The following LTBP3 variants were observed in gnomAD, a reference collection of about 807,000 sequenced individuals.
The protein encoded by LTBP3 is latent-transforming growth factor beta-binding protein 3.
LTBP3 carries 97 observed loss-of-function variants against 159.7 expected under a neutral mutation model. That is an observed-to-expected ratio of 0.61 (90% CI 0.52 to 0.72). The LOEUF is 0.72. Ranked by LOEUF, LTBP3 falls within the 30% of genes least tolerant of loss-of-function variation. LTBP3 has a pLI of 0.00. For synonymous variants in LTBP3, 824 were observed against 777.1 expected, an observed-to-expected ratio of 1.06 and a Z score of -1.00; for missense variants, 1,584 against 1,864.3, an observed-to-expected ratio of 0.85 and a Z score of 2.77.
At chr11:65,543,711 G>A (rs1002297944) in intron 16 of LTBP3, 162 bp from the exon 17 acceptor site, 6 of 896,442 alleles carry the variant, frequency 6.7e-6, no homozygotes, top group African/African-American at 4.9e-5. Context: ...GTGCCCTGAC[G>A]ACCAGGTCAG....
In LTBP3 at chr11:65,540,337, C is replaced by T. The variant is rs1468481032; in HGVS notation, c.3152G>A (p.Cys1051Tyr). ...LDESNCRNGV[C>Y]ENTRGGYRCA... is the part of the protein sequence containing the mutation. ...GCGGTAGCCGCCGCGCGTGTTCTCA[C>T]ACACTCCGTTCCGGCAGTTGGACTC... Residue 1051 changes from cysteine to tyrosine, a missense_variant, in exon 23 of 28, where the codon TGT becomes TAT. This residue lies in a region of LTBP3 where 514 missense variants were observed against 530.3 expected (regional missense o/e 0.97). Transcript: ENST00000301873. 2.5e-6 allele frequency: 4 copies of T among 1,584,126 alleles called. No homozygotes were observed. Among genetic ancestry groups the T allele is most frequent in the Non-Finnish European group, 3.4e-6 (4 of 1,166,368 alleles).
Position 65,543,474 on chromosome 11 carries a change from T to C in LTBP3, c.2429A>G (p.Gln810Arg). ...CSNTPGSFQC[Q>R]CLSGYHLSRD... ...GGACAGATGGTAGCCAGAGAGGCAC[T>C]GACACTGGAAAGATCCTGGCGTGTT... Residue 810 changes from glutamine (Q) to arginine (R), a missense_variant, in exon 17 of 28, where the codon CAG becomes CGG. Physicochemically the swap from Gln to Arg is conservative, Grantham distance 43 (BLOSUM62 1). Transcript: ENST00000301873. 6.2e-7 allele frequency: 1 copy of C among 1,614,126 alleles called. No homozygotes were observed. Among genetic ancestry groups the C allele is most frequent in the South Asian group, 1.1e-5 (1 of 91,090 alleles).
chr11:65,553,676 AG>A lies in LTBP3; in HGVS notation c.864+24del, dbSNP rs771117206. ...GAGCAACCCTGAGAGAAGGAAAGGC[AG>A]ATCCCGACTGTGGATTCACTCACCG... is the stretch of plus-strand genomic sequence containing the variant. On this transcript the variant is annotated intron_variant, in intron 3 of 27. Coordinates refer to ENST00000301873, the MANE Select transcript of LTBP3 (RefSeq NM_001130144.3). This position sits in a 1 kb window ranked among gnomAD's most constrained non-coding sequence, Gnocchi z 6.5. 25 of 1,561,354 alleles carry A rather than the reference AG, an allele frequency of 1.6e-5. No individual in the cohort carries two copies. Among genetic ancestry groups the A allele is most frequent in the Middle Eastern group, 1.7e-4 (1 of 6,036 alleles).
chr11:65,539,896 T>A lies in LTBP3; in HGVS notation c.3386-15A>T, dbSNP rs1477848687. ...CGGGGCACGCTCTGCGGAAGACACCTGGCATCAGGGGAGGGGCCCAAGGCA... is the reference window on the plus strand; with the variant it reads ...CGGGGCACGCTCTGCGGAAGACACCAGGCATCAGGGGAGGGGCCCAAGGCA... On this transcript the variant is annotated splice_polypyrimidine_tract_variant and intron_variant, in intron 24 of 27. Transcript: ENST00000301873. The A allele has an allele frequency of 4.0e-6, 6 of 1,506,346 alleles. No homozygotes were observed. The highest frequency in any genetic ancestry group is 5.3e-6 in the Non-Finnish European group (6 of 1,134,620). The allele number at this position is 1,506,346 out of a possible 1,614,324, so 93.3% of individuals were successfully genotyped here. A position where few individuals can be genotyped will look rare whatever the true frequency, so the allele number is the denominator to read the frequency against.
Position 65,546,365 on chromosome 11 carries a change from A to C in LTBP3, c.2353+77T>G. 2.7e-6 allele frequency: 4 copies of C among 1,457,226 alleles called. No homozygotes were observed. The highest frequency in any genetic ancestry group is 3.6e-6 in the Non-Finnish European group (4 of 1,105,980). 90.3% of individuals were successfully genotyped at this position (1,457,226 alleles called of 1,614,324 possible). A position where few individuals can be genotyped will look rare whatever the true frequency, so the allele number is the denominator to read the frequency against. On this transcript the variant is annotated intron_variant, in intron 16 of 27. Transcript: ENST00000301873. This position sits in a 1 kb window ranked among gnomAD's most constrained non-coding sequence, Gnocchi z 4.0. ...ATGAGCCACCTTCCACCCACTGTTT[A>C]CAGACAGCGTGACCCGCTCCCCGGC...
chr11:65,542,968 G>GGATA (rs1856213232), intron 18 of LTBP3, 137 bp downstream of exon 18: 1 of 1,098,154 alleles, frequency 9.1e-7, no homozygotes, highest in African/African-American at 2.7e-5. Flanking sequence ...ATGGATGGAT[G>GGATA]GATGGATAGA....
Position 65,547,579 on chromosome 11 carries a change from G to A in LTBP3, c.1979-12C>T. ...GCATTCGTTCAGGTCTGTGCGGGAG[G>A]AAGGGGCCACGAAGGGGGTGTAGGA... On this transcript the variant is annotated splice_polypyrimidine_tract_variant and intron_variant, in intron 13 of 27. Transcript: ENST00000301873. This position sits in a 1 kb window ranked among gnomAD's most constrained non-coding sequence, Gnocchi z 4.6. The A allele has an allele frequency of 6.2e-7, 1 of 1,613,404 alleles. No individual in the cohort carries two copies. Among genetic ancestry groups the A allele is most frequent in the Non-Finnish European group, 8.5e-7 (1 of 1,179,554 alleles).
chr11:65,546,461 G>T lies in LTBP3; in HGVS notation c.2334C>A (p.Pro778=). The T allele has an allele frequency of 1.9e-6, 3 of 1,575,554 alleles. No individual in the cohort carries two copies. Among genetic ancestry groups the T allele is most frequent in the Non-Finnish European group, 2.6e-6 (3 of 1,168,504 alleles). The part of the protein sequence containing the change: ...CTCAQGYAPA[P]DGRSCLDVDE... ...GCTCACCCAAGCAACTGCGGCCGTC[G>T]GGCGCGGGCGCGTAGCCCTGGGCAC... The change falls in exon 16 of 28, where the codon CCC becomes CCA. Residue 778 remains proline (P), a synonymous_variant. Coordinates refer to ENST00000301873, the MANE Select transcript of LTBP3 (RefSeq NM_001130144.3). The surrounding 1 kb of genome is among the most constrained non-coding windows in gnomAD (Gnocchi z 4.0).
chr11:65,556,069 TG>T (rs747320562), intron 1 of LTBP3, among the ~76,000 whole-genome samples: 2 of 152,132 alleles, frequency 1.3e-5, no homozygotes, highest in Non-Finnish European at 2.9e-5. Context: ...CACTGTGGCC[TG>T]GGCACCGAGC....
At chr11:65,545,649 A>C in intron 16 of LTBP3, 1 of 229,906 alleles carries the variant, frequency 4.3e-6, no homozygotes, top group Non-Finnish European at 8.6e-6. Context: ...CATCCTGTCC[A>C]CCACTGTCTC....
chr11:65,541,317 G>A, intron 19 of LTBP3, 24 bp from the exon 20 acceptor site: 2 of 1,605,798 alleles, frequency 1.2e-6, no homozygotes, highest in South Asian at 2.2e-5. Flanking sequence ...GGCAGCTCAG[G>A]GTTGTGCACA....
In LTBP3 at chr11:65,552,156, A is replaced by C; in HGVS notation, c.1347T>G (p.Ala449=). The stretch of plus-strand genomic sequence containing the variant: ...CAGCTGGGCAGATCTCCTTGAACGC[A>C]GCTGCAGTCAAGACAGCAGACACAA... ...RCQRCPTDGT[A]AFKEICPAGK... is the part of the protein sequence containing the mutation. Residue 449 remains alanine (A), a splice_region_variant and synonymous_variant, in exon 8 of 28, where the codon GCT becomes GCG. Coordinates refer to ENST00000301873, the MANE Select transcript of LTBP3 (RefSeq NM_001130144.3). The surrounding 1 kb of genome is among the most constrained non-coding windows in gnomAD (Gnocchi z 6.0). 6.2e-7 allele frequency: 1 copy of C among 1,614,154 alleles called. No individual in the cohort carries two copies. The highest frequency in any genetic ancestry group is 8.5e-7 in the Non-Finnish European group (1 of 1,179,998).
At chr11:65,557,398 G>T (rs2135167321) in intron 1 of LTBP3, among the ~76,000 whole-genome samples, 1 of 151,876 alleles carries the variant, frequency 6.6e-6, no homozygotes, top group South Asian at 2.1e-4. Context: ...CACCCCTTAG[G>T]CCCCAACCCT....
intron 1 of LTBP3, among the ~76,000 whole-genome samples, chr11:65,557,292 G>A (rs1286879409): frequency 1.3e-5 from 2 of 152,048 alleles, no homozygotes; most frequent in Non-Finnish European, 2.9e-5. Context: ...GAGGCTTCCT[G>A]TCCCCGGCTC....
intron 11 of LTBP3, 57 bp downstream of exon 11, chr11:65,551,069 G>A (rs1856591814): frequency 1.4e-6 from 2 of 1,435,602 alleles, no homozygotes; most frequent in African/African-American, 1.4e-5. Context: ...AGGGAGGAGA[G>A]AAAACTAAAG....
chr11:65,539,172 C>T lies in LTBP3; in HGVS notation c.3820G>A (p.Val1274Met), dbSNP rs1458708400. ...CAGCGGAAGGAGCCGCTGGTGTTCA[C>T]GCAGCGCTCGCTCTTGCACAGCAGC... is the stretch of plus-strand genomic sequence containing the variant. ...RGLLCKSERC[V>M]NTSGSFRCVC... The change falls in exon 28 of 28, where the codon GTG becomes ATG. Residue 1274 changes from valine to methionine, a missense_variant. By Grantham distance (21) the Val-to-Met change is conservative. Around this residue, in one of 6 missense-constraint regions of LTBP3, gnomAD observed 514 missense variants for 530.3 expected, o/e 0.97. Coordinates refer to ENST00000301873, the MANE Select transcript of LTBP3 (RefSeq NM_001130144.3). The T allele has an allele frequency of 5.3e-6, 8 of 1,509,190 alleles. No homozygotes were observed. Among genetic ancestry groups the T allele is most frequent in the Admixed American group, 2.1e-5 (1 of 48,672 alleles). 93.5% of individuals were successfully genotyped at this position (1,509,190 alleles called of 1,614,324 possible). A position where few individuals can be genotyped will look rare whatever the true frequency, so the allele number is the denominator to read the frequency against.
intron 11 of LTBP3, 40 bp downstream of exon 11, chr11:65,551,086 C>A: frequency 6.7e-7 from 1 of 1,498,762 alleles, no homozygotes; most frequent in Non-Finnish European, 9.1e-7. Flanking sequence ...AAAGTGGGGG[C>A]GTGGCCTAGG....
chr11:65,540,416 G>C (rs746923956), intron 22 of LTBP3, 34 bp from the exon 23 acceptor site: 1 of 1,607,746 alleles, frequency 6.2e-7, no homozygotes, highest in Non-Finnish European at 8.5e-7. Flanking sequence ...AGCAGGGGCA[G>C]GCCCGGGATG....
In LTBP3 at chr11:65,554,900, C is replaced by T. The variant is rs560734950; in HGVS notation, c.332-520G>A. Among the ~76,000 whole-genome samples, 18 of 152,116 alleles carry T rather than the reference C, an allele frequency of 1.2e-4. No homozygotes were observed. The highest frequency in any genetic ancestry group is 3.9e-4 in the African/African-American group (16 of 41,468). ...CCTCTCCCTCTTCACCATCCTGGGGCGCCCACCTCACCACTGCCAAAGATG... is the reference window on the plus strand; with the variant it reads ...CCTCTCCCTCTTCACCATCCTGGGGTGCCCACCTCACCACTGCCAAAGATG... On this transcript the variant is annotated intron_variant, in intron 1 of 27. Transcript: ENST00000301873. The surrounding 1 kb of genome is among the most constrained non-coding windows in gnomAD (Gnocchi z 5.3).
Sources: gnomAD v4.1 joint callset for allele counts (sites outside exome capture counted in the v4.1 genomes callset) on GRCh38, gnomAD v4.1.1 for gene constraint, gnomAD v4.1.1 regional missense constraint, Gnocchi (gnomAD v3.1) non-coding constraint, MANE v1.5 for transcripts, NCBI Gene and HGNC (gene_info 2026-07-23, HGNC 2026-07-21) for gene names.